The following RASGRF1 variants were observed in gnomAD, a reference collection of about 807,000 sequenced individuals.
RASGRF1 encodes ras-specific guanine nucleotide-releasing factor 1.
RASGRF1 carries 40 observed loss-of-function variants against 138.7 expected under a neutral mutation model. The ratio of observed to expected loss-of-function variants is 0.29; its 90% CI spans 0.22 to 0.38. The LOEUF is 0.38. Among genes scored for constraint, RASGRF1 ranks in the 10% least tolerant of loss-of-function variants. RASGRF1 has a pLI of 1.00. For synonymous variants in RASGRF1, 614 were observed against 663.2 expected, an observed-to-expected ratio of 0.93 and a Z score of 1.14; for missense variants, 1,108 against 1,650.4, an observed-to-expected ratio of 0.67 and a Z score of 5.69.
chr15:78,963,583 C>T (rs371468252), intron 26 of RASGRF1, among the ~76,000 whole-genome samples: 4 of 151,948 alleles, frequency 2.6e-5, no homozygotes, highest in Admixed American at 6.6e-5. Context: ...ATTACAGGTG[C>T]GAGCCACCGT....
At chr15:79,023,445 A>G (rs998666129) in intron 10 of RASGRF1, among the ~76,000 whole-genome samples, 2 of 152,154 alleles carry the variant, frequency 1.3e-5, no homozygotes, top group African/African-American at 4.8e-5. Context: ...GCTGGGACTG[A>G]TGCTGAGCTC....
In RASGRF1 at chr15:78,960,945, T is replaced by A. The variant is rs1288514521; in HGVS notation, c.*1199A>T. On this transcript the variant is annotated 3_prime_UTR_variant, in exon 27 of 27. Coordinates refer to ENST00000558480, the MANE Select transcript of RASGRF1 (RefSeq NM_001145648.3). ...GAATAGATTTATTAGCAAGAGGTAA[T>A]CAGGAAACATATATTTTTACAAAAA... 6.6e-6 allele frequency: 1 copy of A among 152,202 alleles called. No homozygotes were observed. The highest frequency in any genetic ancestry group is 1.5e-5 in the Non-Finnish European group (1 of 68,032). The allele number at this position is 152,202 out of a possible 1,614,324, so 9.4% of individuals were successfully genotyped here.
intron 19 of RASGRF1, chr15:78,997,854 T>G: frequency 1.9e-6 from 1 of 538,312 alleles, no homozygotes; most frequent in Non-Finnish European, 3.3e-6. Context: ...TGTGCTGGGT[T>G]CTTGCTTTGA....
chr15:79,045,781 G>C (rs1329916381), intron 5 of RASGRF1, among the ~76,000 whole-genome samples: 2 of 152,182 alleles, frequency 1.3e-5, no homozygotes, highest in African/African-American at 4.8e-5. Context: ...TTAGGGAAAG[G>C]GGGAAGAGAA....
chr15:79,014,252 C>T (rs1014776320), intron 13 of RASGRF1, among the ~76,000 whole-genome samples: 11 of 152,198 alleles, frequency 7.2e-5, no homozygotes. Flanking sequence ...TGGGTATCTA[C>T]TCAGAGTAAA....
intron 14 of RASGRF1, chr15:79,004,613 C>G: frequency 1.0e-6 from 1 of 985,596 alleles, no homozygotes; most frequent in Non-Finnish European, 1.2e-6. Context: ...AATGACTCAT[C>G]TGATGCCTCC....
intron 16 of RASGRF1, among the ~76,000 whole-genome samples, chr15:79,001,078 C>A (rs2056512388): frequency 6.6e-6 from 1 of 152,330 alleles, no homozygotes; most frequent in African/African-American, 2.4e-5. Context: ...ACCAAGACTG[C>A]TTCTCAAGGA....
intron 14 of RASGRF1, chr15:79,005,393 G>C (rs1324359164): frequency 1.0e-6 from 1 of 985,180 alleles, no homozygotes; most frequent in Non-Finnish European, 1.2e-6. Flanking sequence ...GGGTGTTTTG[G>C]GGCAGGGCAC....
At chr15:79,016,771 G>A (rs1320126125) in intron 12 of RASGRF1, among the ~76,000 whole-genome samples, 1 of 152,250 alleles carries the variant, frequency 6.6e-6, no homozygotes, top group African/African-American at 2.4e-5. Flanking sequence ...AAGGCTGGGA[G>A]CGGCAGTCAG....
chr15:79,000,117 C>G, intron 16 of RASGRF1, among the ~76,000 whole-genome samples: 1 of 152,166 alleles, frequency 6.6e-6, no homozygotes. Flanking sequence ...CCACAACACC[C>G]TCAGGGCTGT....
At chr15:79,047,081 G>A (rs1662043026) in intron 4 of RASGRF1, 82 bp from the exon 5 acceptor site, 1 of 1,531,042 alleles carries the variant, frequency 6.5e-7, no homozygotes, top group African/African-American at 1.4e-5. Context: ...AGCTCCCCAA[G>A]GGTAGGAACC....
chr15:79,005,347 C>A, intron 14 of RASGRF1: 1 of 985,364 alleles, frequency 1.0e-6, no homozygotes, highest in Non-Finnish European at 1.2e-6. Context: ...CTCCAGGCAG[C>A]CCTAGAGCTG....
chr15:79,090,612 A>C lies in RASGRF1; in HGVS notation c.-114T>G. On this transcript the variant is annotated 5_prime_UTR_variant, in exon 1 of 27. Transcript: ENST00000558480. Reference sequence around the variant, plus strand: ...TGGCGCTCGCTCGCTCGCTCCCTCTAGCTCTCCCCTCCCCCCAAATATCTA... The same window carrying C: ...TGGCGCTCGCTCGCTCGCTCCCTCTCGCTCTCCCCTCCCCCCAAATATCTA... The C allele has an allele frequency of 7.0e-7, 1 of 1,424,692 alleles. No homozygotes were observed. Among genetic ancestry groups the C allele is most frequent in the Non-Finnish European group, 9.5e-7 (1 of 1,048,636 alleles). The allele number at this position is 1,424,692 out of a possible 1,614,324, so 88.3% of individuals were successfully genotyped here.
In RASGRF1 at chr15:78,971,853, A is replaced by G; in HGVS notation, c.3681+13T>C. The stretch of plus-strand genomic sequence containing the variant: ...TGAAAGCATGCAAGTGACCAGGAAA[A>G]GGCACAGCTTACCTTTGCTTGGTGC... On this transcript the variant is annotated intron_variant, in intron 26 of 26. Transcript: ENST00000558480. 1.9e-6 allele frequency: 3 copies of G among 1,561,360 alleles called. No homozygotes were observed. The highest frequency in any genetic ancestry group is 2.7e-6 in the Non-Finnish European group (3 of 1,132,056).
chr15:79,064,388 AG>A (rs2057648187), intron 2 of RASGRF1, 31 bp downstream of exon 2: 1 of 1,593,246 alleles, frequency 6.3e-7, no homozygotes, highest in African/African-American at 1.3e-5. Context: ...ACTGTGGAGT[AG>A]GGGCTTCCTG....
chr15:79,024,734 G>C (rs1183477472), intron 10 of RASGRF1, among the ~76,000 whole-genome samples: 1 of 152,120 alleles, frequency 6.6e-6, no homozygotes, highest in Non-Finnish European at 1.5e-5. Context: ...CCATGATTGT[G>C]AGGCCTTCTC....
intron 17 of RASGRF1, 104 bp from the exon 18 acceptor site, chr15:78,998,929 G>T: frequency 1.2e-6 from 1 of 835,006 alleles, no homozygotes; most frequent in Non-Finnish European, 2.0e-6. Context: ...GCTGGGGTGA[G>T]TGAGGGGGTC....
At chr15:79,086,242 T>G (rs1877992898) in intron 1 of RASGRF1, among the ~76,000 whole-genome samples, 1 of 152,190 alleles carries the variant, frequency 6.6e-6, no homozygotes, top group African/African-American at 2.4e-5. Flanking sequence ...AGAGCAACCT[T>G]ATTTTTCTAC....
Position 79,006,420 on chromosome 15 carries a change from A to G in RASGRF1, c.1841T>C (p.Leu614Ser), listed in dbSNP as rs1422004815. The G allele has an allele frequency of 6.2e-7, 1 of 1,612,372 alleles. No homozygotes were observed. The highest frequency in any genetic ancestry group is 8.5e-7 in the Non-Finnish European group (1 of 1,179,238). ...GCGAATGTCAACATCATCACAATAT[A>G]AGGAGGCGTCGGACCTGAGAGGGGA... Reference protein sequence around the residue: ...VPQMIKSDASLYCDDVDIRFS... With the variant: ...VPQMIKSDASSYCDDVDIRFS... The change falls in exon 14 of 27, where the codon TTA (leucine) becomes TCA (serine). Residue 614 changes from leucine to serine, a missense_variant. Physicochemically the swap from Leu to Ser is moderately radical, Grantham distance 145. This residue lies in a region of RASGRF1 where 686 missense variants were observed against 976.7 expected (regional missense o/e 0.70). Transcript: ENST00000558480. The surrounding 1 kb of genome is among the most constrained non-coding windows in gnomAD (Gnocchi z 4.0).
Sources: gnomAD v4.1 joint callset for allele counts (sites outside exome capture counted in the v4.1 genomes callset) on GRCh38, gnomAD v4.1.1 for gene constraint, gnomAD v4.1.1 regional missense constraint, Gnocchi (gnomAD v3.1) non-coding constraint, MANE v1.5 for transcripts, NCBI Gene and HGNC (gene_info 2026-07-23, HGNC 2026-07-21) for gene names.